Variants in SPMAP2L observed in about 807,000 individuals in gnomAD.
The protein encoded by SPMAP2L is sperm microtubule associated protein 2 like.
At chr4:56,611,742 A>G in the SPMAP2L span, among the ~76,000 whole-genome samples, 4 of 152,230 alleles carry the variant, frequency 2.6e-5, no homozygotes, top group African/African-American at 7.2e-5. Context: ...GAATTTGCTC[A>G]ATGGTGCTTT....
chr4:56,594,528 C>A, the SPMAP2L span: 17 of 1,607,706 alleles, frequency 1.1e-5, no homozygotes, highest in African/African-American at 1.3e-5. Context: ...GGAGAATATG[C>A]TGGACTGGCC....
At chr4:56,575,819 G>A in the SPMAP2L span, among the ~76,000 whole-genome samples, 3 of 152,086 alleles carry the variant, frequency 2.0e-5, no homozygotes, top group Non-Finnish European at 4.4e-5. Context: ...GTTCATCTTC[G>A]GTAATTACAT....
At chr4:56,560,948 G>T in the SPMAP2L span, among the ~76,000 whole-genome samples, 1 of 152,194 alleles carries the variant, frequency 6.6e-6, no homozygotes, top group South Asian at 2.1e-4. Flanking sequence ...GTCTTGCCAT[G>T]TTGGCCAGGC....
chr4:56,548,527 T>G, the SPMAP2L span, among the ~76,000 whole-genome samples: 1 of 152,296 alleles, frequency 6.6e-6, no homozygotes, highest in South Asian at 2.1e-4. Flanking sequence ...GTCCTTTATA[T>G]CTTTTGCCAG....
the SPMAP2L span, chr4:56,600,872 T>A: frequency 0.017 from 24,304 of 1,457,606 alleles, 591 homozygotes; most frequent in African/African-American, 0.098. Flanking sequence ...GGGATATAGC[T>A]ATAGACATAG....
chr4:56,594,076 T>C, the SPMAP2L span: 13,381 of 1,609,196 alleles, frequency 8.3e-3, 719 homozygotes, highest in African/African-American at 0.14. Flanking sequence ...TTTCTCTTGA[T>C]GAAACAGTCA....
chr4:56,547,394 C>T, the SPMAP2L span, among the ~76,000 whole-genome samples: 2 of 152,022 alleles, frequency 1.3e-5, no homozygotes, highest in Non-Finnish European at 2.9e-5. Flanking sequence ...TACAGGCACA[C>T]ACCACTATGA....
chr4:56,603,114 A>G, the SPMAP2L span: 13 of 734,112 alleles, frequency 1.8e-5, no homozygotes, highest in African/African-American at 2.1e-4. Context: ...ATGGGATAAT[A>G]TCATAGTACA....
chr4:56,589,013 G>T, the SPMAP2L span, among the ~76,000 whole-genome samples: 1 of 151,376 alleles, frequency 6.6e-6, no homozygotes, highest in Non-Finnish European at 1.5e-5. Flanking sequence ...TTTTGAAATG[G>T]AGTCTTGCTG....
chr4:56,575,157 G>A, the SPMAP2L span, among the ~76,000 whole-genome samples: 3 of 151,870 alleles, frequency 2.0e-5, no homozygotes, highest in Non-Finnish European at 4.4e-5. Context: ...GCTGAGGCAG[G>A]AGAATGGCGT....
chr4:56,539,875 C>T, the SPMAP2L span, among the ~76,000 whole-genome samples: 2 of 152,216 alleles, frequency 1.3e-5, no homozygotes, highest in African/African-American at 2.4e-5. Flanking sequence ...TCCTTCCCAG[C>T]GCTTACCACT....
chr4:56,539,350 A>G, the SPMAP2L span, among the ~76,000 whole-genome samples: 2 of 152,260 alleles, frequency 1.3e-5, no homozygotes, highest in African/African-American at 2.4e-5. Flanking sequence ...AGTAAAATGT[A>G]CTGGAGTATC....
At chr4:56,546,755 GACTCTCTA>G in the SPMAP2L span, among the ~76,000 whole-genome samples, 1 of 152,144 alleles carries the variant, frequency 6.6e-6, no homozygotes, top group Non-Finnish European at 1.5e-5. Flanking sequence ...GTTTTTTACT[GACTCTCTA>G]ACCTGTGTCA....
chr4:56,564,165 A>G, the SPMAP2L span, among the ~76,000 whole-genome samples: 2 of 141,898 alleles, frequency 1.4e-5, no homozygotes, highest in African/African-American at 5.3e-5. Context: ...ACATGGTCTC[A>G]CTCTGTCACC....
At chr4:56,552,457 C>T in the SPMAP2L span, 1 of 710,006 alleles carries the variant, frequency 1.4e-6, no homozygotes, top group East Asian at 2.7e-5. Flanking sequence ...GGTTTTAGTT[C>T]TTTTTTTTCC....
chr4:56,546,706 AT>A, the SPMAP2L span, among the ~76,000 whole-genome samples: 1 of 152,226 alleles, frequency 6.6e-6, no homozygotes, highest in Non-Finnish European at 1.5e-5. Context: ...ATTCATTCAC[AT>A]TATCAGTACT....
chr4:56,617,045 C>T, the SPMAP2L span, among the ~76,000 whole-genome samples: 19 of 152,064 alleles, frequency 1.2e-4, no homozygotes, highest in Admixed American at 6.6e-4. Context: ...AGTACGGAAC[C>T]CTATGTATAC....
chr4:56,549,019 C>T, the SPMAP2L span, among the ~76,000 whole-genome samples: 3 of 147,316 alleles, frequency 2.0e-5, no homozygotes, highest in South Asian at 2.1e-4. Context: ...GACAGAGTCT[C>T]GCTCTGTTCC....
chr4:56,612,285 G>A, the SPMAP2L span, among the ~76,000 whole-genome samples: 161 of 152,234 alleles, frequency 1.1e-3, 1 homozygote, highest in East Asian at 0.021. Flanking sequence ...ATTTTATGAC[G>A]TTGTTGGTAT....
Sources: gnomAD v4.1 joint callset for allele counts (sites outside exome capture counted in the v4.1 genomes callset) on GRCh38, gnomAD v4.1.1 for gene constraint, MANE v1.5 for transcripts, NCBI Gene and HGNC (gene_info 2026-07-23, HGNC 2026-07-21) for gene names.